The following IL24 variants were observed in gnomAD, a reference collection of about 807,000 sequenced individuals.
IL24 encodes interleukin-24.
IL24 carries 24 observed loss-of-function variants against 27.6 expected under a neutral mutation model. The observed-to-expected ratio is 0.87, with a 90% confidence interval of 0.63 to 1.22. IL24 has a LOEUF of 1.22. Among genes scored for constraint, IL24 ranks in the 50% most tolerant of loss-of-function variants. The pLI is 0.00. For missense variants in IL24, 240 were observed against 237.0 expected (o/e 1.01, Z -0.08); for synonymous variants, 99 against 93.1 (o/e 1.06, Z -0.36).
intron 2 of IL24, among the ~76,000 whole-genome samples, chr1:206,899,071 G>A (rs963214633): frequency 5.3e-5 from 8 of 152,234 alleles, no homozygotes; most frequent in African/African-American, 1.7e-4. Context: ...GCGTGTGGGT[G>A]TGGACGGGCA....
In IL24 at chr1:206,900,293, A is replaced by G. The variant is rs1438264031; in HGVS notation, c.241-2A>G. 4 of 1,613,800 alleles carry G rather than the reference A, an allele frequency of 2.5e-6. No individual in the cohort carries two copies. Among genetic ancestry groups the G allele is most frequent in the East Asian group, 4.5e-5 (2 of 44,844 alleles). On this transcript the variant is annotated splice_acceptor_variant, in intron 3 of 6. Transcript: ENST00000294984. LOFTEE classifies it high-confidence loss of function. ...AGACGTCTTTTCTTTCTGTTTGCCA[A>G]GCAAGCTCAGGATAACATCACGAGT...
Position 206,898,410 on chromosome 1 carries a change from A to T in IL24, c.44+534A>T, listed in dbSNP as rs1039963375. Among the ~76,000 whole-genome samples, 8 of 151,936 alleles carry T rather than the reference A, an allele frequency of 5.3e-5. No individual in the cohort carries two copies. In the South Asian group the frequency reaches 1.7e-3, roughly 32 times the overall value. Reference sequence around the variant, plus strand: ...AGAAAGGTTCTTAAATGATTGTGTAAAGAAGTACGAAAGAAAGGGAGAAAG... The same window carrying T: ...AGAAAGGTTCTTAAATGATTGTGTATAGAAGTACGAAAGAAAGGGAGAAAG... On this transcript the variant is annotated intron_variant, in intron 2 of 6. Transcript: ENST00000294984.
intron 4 of IL24, 40 bp from the exon 5 acceptor site, chr1:206,901,454 G>A (rs778489158): frequency 1.3e-6 from 2 of 1,580,462 alleles, no homozygotes; most frequent in Non-Finnish European, 1.7e-6. Flanking sequence ...GTCAGGGTGG[G>A]CAGAGGCCTT....
chr1:206,901,443 G>A (rs1678373684), intron 4 of IL24, 51 bp from the exon 5 acceptor site: 1 of 1,563,254 alleles, frequency 6.4e-7, no homozygotes, highest in South Asian at 1.2e-5. Flanking sequence ...TCCTTCAGGG[G>A]GTCAGGGTGG....
At chr1:206,901,135 C>T (rs1184505553) in intron 4 of IL24, among the ~76,000 whole-genome samples, 1 of 152,192 alleles carries the variant, frequency 6.6e-6, no homozygotes, top group Non-Finnish European at 1.5e-5. Flanking sequence ...CAAGTTCAAG[C>T]CCTTTTCAGG....
At position 206,899,380 on chromosome 1, in the gene IL24, C is replaced by T; in HGVS notation, c.105C>T (p.Cys35=). 6.2e-7 allele frequency: 1 copy of T among 1,614,206 alleles called. No homozygotes were observed. Among genetic ancestry groups the T allele is most frequent in the Non-Finnish European group, 8.5e-7 (1 of 1,180,012 alleles). The change falls in exon 3 of 7, where the codon TGC becomes TGT. Residue 35 remains cysteine, a synonymous_variant. Transcript: ENST00000294984. ...ASQMQMVVLP[C]LGFTLLLWSQ... ...AAATGCAGATGGTTGTGCTCCCTTG[C>T]CTGGGTTTTACCCTGCTTCTCTGGA...
chr1:206,899,806 G>A (rs932619578), intron 3 of IL24, among the ~76,000 whole-genome samples: 6 of 152,054 alleles, frequency 3.9e-5, no homozygotes, highest in African/African-American at 1.2e-4. Context: ...TAGAGTCTTC[G>A]GCTCTAAATC....
At chr1:206,899,230 G>A in intron 2 of IL24, 90 bp from the exon 3 acceptor site, 1 of 1,360,176 alleles carries the variant, frequency 7.4e-7, no homozygotes. Context: ...CTCGAGATTG[G>A]CCCGGGGAGA....
At chr1:206,899,233 C>A in intron 2 of IL24, 87 bp from the exon 3 acceptor site, 1 of 1,391,594 alleles carries the variant, frequency 7.2e-7, no homozygotes, top group Non-Finnish European at 9.9e-7. Context: ...GAGATTGGCC[C>A]GGGGAGACCC....
intron 3 of IL24, among the ~76,000 whole-genome samples, chr1:206,900,005 A>G (rs750958694): frequency 2.0e-5 from 3 of 152,204 alleles, no homozygotes; most frequent in Admixed American, 6.5e-5. Context: ...AGAGGCATCA[A>G]ACTGCTTCCT....
rs769643577 is a variant in IL24 at position 206,901,602 on chromosome 1, T to C, written c.412T>C (p.Ser138Pro). The change falls in exon 5 of 7, where the codon TCT becomes CCT. Residue 138 changes from serine to proline, a missense_variant. Transcript: ENST00000294984. The part of the protein sequence containing the change: ...TVEVRTLKSF[S>P]TLANNFVLIV... Reference sequence around the variant, plus strand: ...TGAAGTCAGGACTCTGAAGTCATTCTCTACTCTGGCCAACAACTTTGTTCT... The same window carrying C: ...TGAAGTCAGGACTCTGAAGTCATTCCCTACTCTGGCCAACAACTTTGTTCT... 1 of 1,614,246 alleles carries C rather than the reference T, an allele frequency of 6.2e-7. No individual in the cohort carries two copies. Among genetic ancestry groups the C allele is most frequent in the South Asian group, 1.1e-5 (1 of 91,086 alleles).
intron 4 of IL24, among the ~76,000 whole-genome samples, chr1:206,900,702 T>C (rs1356664743): frequency 2.6e-5 from 4 of 152,120 alleles, no homozygotes; most frequent in Non-Finnish European, 5.9e-5. Context: ...TGGGTCCTTT[T>C]TCCTGGGTCC....
In IL24 at chr1:206,903,292, C is replaced by T. The variant is rs570398041; in HGVS notation, c.*233C>T. The T allele has an allele frequency of 4.3e-6, 2 of 466,562 alleles. No individual in the cohort carries two copies. Among genetic ancestry groups the T allele is most frequent in the African/African-American group, 3.9e-5 (2 of 51,360 alleles). 28.9% of individuals were successfully genotyped at this position (466,562 alleles called of 1,614,324 possible). ...ACAGAGAAGATTCTTGTATTTATTA[C>T]AACTCTATTTAATTAATGTCAGTAT... On this transcript the variant is annotated 3_prime_UTR_variant, in exon 7 of 7. Coordinates refer to ENST00000294984, the MANE Select transcript of IL24 (RefSeq NM_006850.3).
At position 206,902,040 on chromosome 1, in the gene IL24, C is replaced by T. The variant is rs146604458; in HGVS notation, c.505C>T (p.Arg169Trp). ...MFSIRDSAHR[R>W]FLLFRRAFKQ... is the part of the protein sequence containing the mutation. ...TTCCATCAGAGACAGTGCACACAGG[C>T]GGTTTCTGCTATTCCGGAGAGCATT... Residue 169 changes from arginine (R) to tryptophan (W), a missense_variant, in exon 6 of 7, where the codon CGG becomes TGG. By Grantham distance (101) the Arg-to-Trp change is moderately radical. Coordinates refer to ENST00000294984, the MANE Select transcript of IL24 (RefSeq NM_006850.3). The T allele has an allele frequency of 5.0e-6, 8 of 1,614,034 alleles. No individual in the cohort carries two copies. The highest frequency in any genetic ancestry group is 4.5e-5 in the East Asian group (2 of 44,886).
At chr1:206,902,445 C>T in intron 6 of IL24, 1 of 961,468 alleles carries the variant, frequency 1.0e-6, no homozygotes, top group African/African-American at 1.8e-5. Context: ...CCATGATGCT[C>T]AACTGGTCTA....
chr1:206,899,588 C>T (rs996842283), intron 3 of IL24, 73 bp downstream of exon 3: 8 of 1,262,998 alleles, frequency 6.3e-6, no homozygotes, highest in Non-Finnish European at 8.7e-6. Flanking sequence ...CGAGGGGATG[C>T]TATTTTATGA....
chr1:206,902,178 C>G, intron 6 of IL24, 106 bp downstream of exon 6: 1 of 1,499,888 alleles, frequency 6.7e-7, no homozygotes. Flanking sequence ...GCAGGGGACA[C>G]CATCAGCTTT....
rs1678301412 is a variant in IL24 at position 206,899,653 on chromosome 1, C to T, written c.240+138C>T. Reference sequence around the variant, plus strand: ...GTTTCCAGTTTCCCATATAATAACTCTGTGAGGTCAGAAGGCACCACAAGC... The same window carrying T: ...GTTTCCAGTTTCCCATATAATAACTTTGTGAGGTCAGAAGGCACCACAAGC... On this transcript the variant is annotated intron_variant, in intron 3 of 6. Coordinates refer to ENST00000294984, the MANE Select transcript of IL24 (RefSeq NM_006850.3). 3 of 689,556 alleles carry T rather than the reference C, an allele frequency of 4.4e-6. No homozygotes were observed. In the African/African-American group the frequency reaches 5.4e-5, roughly 13 times the overall value. The allele number at this position is 689,556 out of a possible 1,614,324, so 42.7% of individuals were successfully genotyped here.
chr1:206,900,340 G>C lies in IL24; in HGVS notation c.286G>C (p.Val96Leu). ...ITSARLLQQE[V>L]LQNVSDAESC... ...GAGTGCCCGGCTGCTGCAGCAGGAGGTTCTGCAGAACGTCTCGGTAATCAG... is the reference window on the plus strand; with the variant it reads ...GAGTGCCCGGCTGCTGCAGCAGGAGCTTCTGCAGAACGTCTCGGTAATCAG... Residue 96 changes from valine to leucine, a missense_variant, in exon 4 of 7, where the codon GTT (valine) becomes CTT (leucine). Coordinates refer to ENST00000294984, the MANE Select transcript of IL24 (RefSeq NM_006850.3). 1 of 1,614,098 alleles carries C rather than the reference G, an allele frequency of 6.2e-7. No homozygotes were observed. The highest frequency in any genetic ancestry group is 8.5e-7 in the Non-Finnish European group (1 of 1,180,014).
Sources: allele counts gnomAD v4.1 joint callset (sites outside exome capture counted in the v4.1 genomes callset), GRCh38; gene constraint gnomAD v4.1.1; transcripts MANE v1.5; gene names NCBI Gene and HGNC (gene_info 2026-07-23, HGNC 2026-07-21).